UBE2E2: variants seen among roughly 807,000 people sequenced by gnomAD.
UBE2E2 encodes the protein ubiquitin conjugating enzyme E2 E2.
UBE2E2 carries 6 observed loss-of-function variants against 24.7 expected under a neutral mutation model. The ratio of observed to expected loss-of-function variants is 0.24; its 90% CI spans 0.13 to 0.48. UBE2E2 has a LOEUF of 0.48. UBE2E2 is among the 20% of genes least tolerant of loss of function. The probability of loss-of-function intolerance (pLI) is 0.99; values close to 1 mark genes in which losing one functional copy is unlikely to be tolerated. For synonymous variants in UBE2E2, 104 were observed against 83.6 expected (o/e 1.24, Z -1.33); for missense variants, 169 against 245.0 (o/e 0.69, Z 2.07).
intron 3 of UBE2E2, among the ~76,000 whole-genome samples, chr3:23,347,474 G>A (rs1483729034): frequency 2.6e-5 from 4 of 151,900 alleles, no homozygotes; most frequent in Admixed American, 6.6e-5. Context: ...AACACCACAT[G>A]TTCTCACTTA....
At chr3:23,355,872 C>G (rs902038845) in intron 3 of UBE2E2, among the ~76,000 whole-genome samples, 1 of 152,214 alleles carries the variant, frequency 6.6e-6, no homozygotes, top group Non-Finnish European at 1.5e-5. Flanking sequence ...ACATACCTCT[C>G]TCTAAATGCA....
chr3:23,300,597 T>C (rs538734777), intron 3 of UBE2E2, among the ~76,000 whole-genome samples: 1 of 152,382 alleles, frequency 6.6e-6, no homozygotes, highest in African/African-American at 2.4e-5. Context: ...TCTTTAAGAA[T>C]GTTGAATATT....
chr3:23,494,699 A>T (rs575936899), intron 3 of UBE2E2, among the ~76,000 whole-genome samples: 1 of 151,974 alleles, frequency 6.6e-6, no homozygotes, highest in East Asian at 1.9e-4. Context: ...CCCAATTTTT[A>T]TATGAGGGAA....
chr3:23,405,240 C>G (rs1575608804), intron 3 of UBE2E2, among the ~76,000 whole-genome samples: 2 of 152,154 alleles, frequency 1.3e-5, no homozygotes, highest in South Asian at 2.1e-4. Context: ...TTGGTCAAAG[C>G]ATTTATGCCT....
At chr3:23,526,394 G>T (rs1009340625) in intron 4 of UBE2E2, among the ~76,000 whole-genome samples, 2 of 152,006 alleles carry the variant, frequency 1.3e-5, no homozygotes, top group Non-Finnish European at 2.9e-5. Flanking sequence ...GTTCTAAAAC[G>T]CTCTTTTACC....
At chr3:23,431,880 T>C (rs983288) in intron 3 of UBE2E2, among the ~76,000 whole-genome samples, 4,400 of 152,306 alleles carry the variant, frequency 0.029, 109 homozygotes, top group East Asian at 0.13. Flanking sequence ...TGGGCCAACT[T>C]GGCCCACATA....
At chr3:23,485,339 A>C (rs1699342190) in intron 3 of UBE2E2, among the ~76,000 whole-genome samples, 1 of 151,898 alleles carries the variant, frequency 6.6e-6, no homozygotes, top group Non-Finnish European at 1.5e-5. Flanking sequence ...CAAGTGATCC[A>C]CCCACCTCGG....
At position 23,476,863 on chromosome 3, in the gene UBE2E2, T is replaced by G. The variant is rs184013313; in HGVS notation, c.228-22745T>G. Among the ~76,000 whole-genome samples the G allele has an allele frequency of 1.3e-3, 196 of 152,278 alleles. 2 individuals are homozygous for G. Among genetic ancestry groups the G allele is most frequent in the South Asian group, 2.5e-3 (12 of 4,820 alleles). On this transcript the variant is annotated intron_variant, in intron 3 of 5. Coordinates refer to ENST00000396703, the MANE Select transcript of UBE2E2 (RefSeq NM_152653.4). ...ATACATAAAACAGGACTAATCAAATTGGATTGTGCCAACATTTTAACTGAG... is the reference window on the plus strand; with the variant it reads ...ATACATAAAACAGGACTAATCAAATGGGATTGTGCCAACATTTTAACTGAG...
intron 3 of UBE2E2, among the ~76,000 whole-genome samples, chr3:23,362,435 C>T (rs1304928092): frequency 1.3e-5 from 2 of 152,148 alleles, no homozygotes; most frequent in Non-Finnish European, 2.9e-5. Context: ...ACCATAGCAC[C>T]AATAGAACCT....
At chr3:23,556,140 C>CTTTTTTTT (rs71057604) in intron 5 of UBE2E2, among the ~76,000 whole-genome samples, 10 of 92,308 alleles carry the variant, frequency 1.1e-4, no homozygotes, top group Middle Eastern at 7.5e-3. Flanking sequence ...AATATACAAA[C>CTTTTTTTT]TTTTTTTTTT....
intron 5 of UBE2E2, among the ~76,000 whole-genome samples, chr3:23,558,066 G>A (rs890783102): frequency 7.9e-5 from 12 of 152,144 alleles, no homozygotes; most frequent in African/African-American, 1.4e-4. Flanking sequence ...ATTACAGATC[G>A]TTTTATCAAA....
At chr3:23,404,247 G>T (rs1479344150) in intron 3 of UBE2E2, among the ~76,000 whole-genome samples, 1 of 152,112 alleles carries the variant, frequency 6.6e-6, no homozygotes, top group South Asian at 2.1e-4. Context: ...AGCTATATTG[G>T]TATTTATTGA....
At chr3:23,463,909 AC>A (rs1431271935) in intron 3 of UBE2E2, among the ~76,000 whole-genome samples, 1 of 152,076 alleles carries the variant, frequency 6.6e-6, no homozygotes, top group Admixed American at 6.6e-5. Flanking sequence ...TTTTCATTAA[AC>A]CCTTTTAATG....
intron 5 of UBE2E2, among the ~76,000 whole-genome samples, 160 bp downstream of exon 5, chr3:23,532,861 G>C (rs1190140187): frequency 6.6e-6 from 1 of 151,934 alleles, no homozygotes; most frequent in Non-Finnish European, 1.5e-5. Context: ...TTTAAATTGG[G>C]TCTTCTCATT....
intron 3 of UBE2E2, among the ~76,000 whole-genome samples, chr3:23,340,510 G>A (rs1186533432): frequency 6.6e-6 from 1 of 152,016 alleles, no homozygotes; most frequent in Non-Finnish European, 1.5e-5. Flanking sequence ...AAATAAATGT[G>A]CTTAACTACA....
chr3:23,214,870 T>G lies in UBE2E2; in HGVS notation c.177-2392T>G, dbSNP rs144411352. On this transcript the variant is annotated intron_variant, in intron 2 of 5. Transcript: ENST00000396703. ...TTCCATTCCCTTGAAGCAGACTGTT[T>G]AGCTGTCTTTAGTCTTACTCCTTCT... Among the ~76,000 whole-genome samples, 26 of 152,212 alleles carry G rather than the reference T, an allele frequency of 1.7e-4. No homozygotes were observed. In the East Asian group the frequency reaches 4.8e-3, roughly 28 times the overall value.
intron 4 of UBE2E2, among the ~76,000 whole-genome samples, chr3:23,509,324 T>C (rs923781640): frequency 5.3e-5 from 8 of 152,220 alleles, no homozygotes; most frequent in Admixed American, 5.2e-4. Flanking sequence ...TCTGTAAATT[T>C]GAAAACAAAT....
intron 3 of UBE2E2, among the ~76,000 whole-genome samples, chr3:23,429,975 G>T (rs1032569783): frequency 2.6e-5 from 4 of 152,160 alleles, no homozygotes; most frequent in South Asian, 2.1e-4. Flanking sequence ...CTGCCTCCCA[G>T]GTTCAAGCAA....
At chr3:23,335,560 T>A (rs755296517) in intron 3 of UBE2E2, among the ~76,000 whole-genome samples, 1 of 152,222 alleles carries the variant, frequency 6.6e-6, no homozygotes, top group Non-Finnish European at 1.5e-5. Flanking sequence ...AGACATGGTC[T>A]TACTCTGTCA....
Sources: allele counts gnomAD v4.1 joint callset (sites outside exome capture counted in the v4.1 genomes callset), GRCh38; gene constraint gnomAD v4.1.1; transcripts MANE v1.5; gene names NCBI Gene and HGNC (gene_info 2026-07-23, HGNC 2026-07-21).